Variants in KCNK2 observed in about 807,000 individuals in gnomAD.
KCNK2 encodes the protein potassium two pore domain channel subfamily K member 2, also known as potassium channel subfamily K member 2.
In KCNK2, 21 loss-of-function variants were observed where a neutral mutation model predicts 40.5. The observed-to-expected ratio is 0.52, with a 90% confidence interval of 0.37 to 0.75. KCNK2 has a LOEUF of 0.75. KCNK2 is among the 30% of genes least tolerant of loss of function. The pLI is 0.00. For synonymous variants in KCNK2, 191 were observed against 202.2 expected, an observed-to-expected ratio of 0.94 and a Z score of 0.47; for missense variants, 399 against 531.6, an observed-to-expected ratio of 0.75 and a Z score of 2.45.
chr1:215,211,387 C>T (rs1665739880), intron 6 of KCNK2, among the ~76,000 whole-genome samples: 2 of 152,084 alleles, frequency 1.3e-5, no homozygotes, highest in African/African-American at 2.4e-5. Flanking sequence ...TTTCATCAAA[C>T]ACCACTTGTC....
At position 215,230,510 on chromosome 1, in the gene KCNK2, T is replaced by G. The variant is rs1343006002; in HGVS notation, c.964-4318T>G. On this transcript the variant is annotated intron_variant, in intron 6 of 6. Coordinates refer to ENST00000444842, the MANE Select transcript of KCNK2 (RefSeq NM_001017425.3). ...ACACACACACACACACACGGCTGTA[T>G]ATATATATATATATATATATATGTA... 0.015 allele frequency among the ~76,000 whole-genome samples: 311 copies of G among 21,324 alleles called. 5 individuals carry two copies. In the East Asian group the frequency reaches 0.22, roughly 15 times the overall value. 14.0% of individuals were successfully genotyped at this position (21,324 alleles called of 152,430 possible).
chr1:215,046,076 C>T (rs547064538), intron 1 of KCNK2, among the ~76,000 whole-genome samples: 10 of 152,170 alleles, frequency 6.6e-5, no homozygotes, highest in South Asian at 4.1e-4. Context: ...GTTCACAATA[C>T]GGGAGTGATT....
chr1:215,133,878 A>G (rs1397219591), intron 3 of KCNK2, among the ~76,000 whole-genome samples: 3 of 152,162 alleles, frequency 2.0e-5, no homozygotes, highest in African/African-American at 7.2e-5. Context: ...GATGATATGA[A>G]CTACTGAAAG....
At chr1:215,153,954 A>G (rs903376013) in intron 3 of KCNK2, among the ~76,000 whole-genome samples, 6 of 152,156 alleles carry the variant, frequency 3.9e-5, no homozygotes, top group African/African-American at 1.4e-4. Flanking sequence ...CATAGTTTCT[A>G]TGGTATGTAT....
chr1:215,209,851 T>C (rs1415907552), intron 6 of KCNK2, among the ~76,000 whole-genome samples: 3 of 62,984 alleles, frequency 4.8e-5, no homozygotes, highest in African/African-American at 2.0e-4. Context: ...TTATATAACA[T>C]ATATAATATA....
At chr1:215,097,097 G>A (rs1469805501) in intron 2 of KCNK2, among the ~76,000 whole-genome samples, 2 of 151,750 alleles carry the variant, frequency 1.3e-5, no homozygotes, top group East Asian at 1.9e-4. Flanking sequence ...TACCTAAAAT[G>A]CATTTGTAAA....
intron 1 of KCNK2, among the ~76,000 whole-genome samples, chr1:215,059,996 A>T (rs1658313965): frequency 6.6e-6 from 1 of 152,196 alleles, no homozygotes; most frequent in South Asian, 2.1e-4. Context: ...TTGACGGCAC[A>T]TCAGCATGGC....
chr1:215,171,860 T>C (rs1663722649), intron 4 of KCNK2, 137 bp from the exon 5 acceptor site: 1 of 511,618 alleles, frequency 2.0e-6, no homozygotes, highest in East Asian at 3.1e-5. Context: ...GCTAATTTGC[T>C]CATAATAGTG....
chr1:215,116,531 C>A (rs576581674), intron 2 of KCNK2, among the ~76,000 whole-genome samples: 97 of 152,054 alleles, frequency 6.4e-4, no homozygotes, highest in Admixed American at 1.2e-3. Flanking sequence ...TTTCTACTAA[C>A]AGAAAATAAA....
intron 1 of KCNK2, among the ~76,000 whole-genome samples, chr1:215,008,546 T>C (rs1296652807): frequency 1.3e-5 from 2 of 152,174 alleles, no homozygotes; most frequent in Non-Finnish European, 2.9e-5. Flanking sequence ...GTTCCCCATA[T>C]ATAAAACAGG....
chr1:215,157,844 T>C (rs938072911), intron 3 of KCNK2, among the ~76,000 whole-genome samples: 9 of 152,210 alleles, frequency 5.9e-5, no homozygotes, highest in African/African-American at 2.2e-4. Flanking sequence ...AGTGTCTGTA[T>C]TCATTGGTTA....
chr1:215,180,459 G>A (rs1664178716), intron 5 of KCNK2, among the ~76,000 whole-genome samples: 2 of 152,008 alleles, frequency 1.3e-5, no homozygotes, highest in African/African-American at 2.4e-5. Context: ...ACCTCTGTGG[G>A]CTATATACTT....
intron 6 of KCNK2, among the ~76,000 whole-genome samples, chr1:215,217,967 A>C (rs976009821): frequency 6.6e-6 from 1 of 152,176 alleles, no homozygotes; most frequent in African/African-American, 2.4e-5. Flanking sequence ...AAACATGATG[A>C]TAGACATGAA....
At chr1:215,007,195 A>ATGTGTG (rs1558054278) in intron 1 of KCNK2, among the ~76,000 whole-genome samples, 2 of 48,854 alleles carry the variant, frequency 4.1e-5, no homozygotes, top group South Asian at 3.1e-3. Context: ...GTATATATAT[A>ATGTGTG]TATATATATA....
intron 1 of KCNK2, among the ~76,000 whole-genome samples, chr1:215,021,573 T>TTTG (rs1553255768): frequency 0.016 from 1,986 of 123,598 alleles, 124 homozygotes; most frequent in African/African-American, 0.061. Context: ...TGAGACGGAA[T>TTTG]CTCGCTCTGT....
At chr1:215,193,257 C>G (rs954350476) in intron 5 of KCNK2, among the ~76,000 whole-genome samples, 5 of 152,022 alleles carry the variant, frequency 3.3e-5, no homozygotes, top group Non-Finnish European at 7.4e-5. Context: ...AATTTACTGG[C>G]TGAATTTTTG....
chr1:215,194,804 A>G, intron 5 of KCNK2, 149 bp from the exon 6 acceptor site: 1 of 566,638 alleles, frequency 1.8e-6, no homozygotes. Context: ...GGAGAAATTC[A>G]AAATGAAGAA....
At chr1:215,158,446 A>C (rs1663027273) in intron 3 of KCNK2, among the ~76,000 whole-genome samples, 1 of 152,124 alleles carries the variant, frequency 6.6e-6, no homozygotes, top group Admixed American at 6.5e-5. Flanking sequence ...TGGGGTTCTC[A>C]TTTCTTATGC....
At chr1:215,073,873 A>G (rs2102517377) in intron 1 of KCNK2, among the ~76,000 whole-genome samples, 1 of 152,300 alleles carries the variant, frequency 6.6e-6, no homozygotes, top group East Asian at 1.9e-4. Flanking sequence ...TATTCTTGAC[A>G]GGACAGGATG....
Sources: gnomAD v4.1 joint callset for allele counts (sites outside exome capture counted in the v4.1 genomes callset) on GRCh38, gnomAD v4.1.1 for gene constraint, MANE v1.5 for transcripts, NCBI Gene and HGNC (gene_info 2026-07-23, HGNC 2026-07-21) for gene names.